MTR: variants seen among roughly 807,000 people sequenced by gnomAD.
MTR encodes 5-methyltetrahydrofolate-homocysteine methyltransferase.
A neutral mutation model predicts 154.8 loss-of-function variants in MTR; 84 were observed. The ratio of observed to expected loss-of-function variants is 0.54; its 90% confidence interval spans 0.45 to 0.65. The LOEUF is 0.65. MTR is among the 30% of genes least tolerant of loss of function. The probability of loss-of-function intolerance (pLI) is 0.00; values close to 1 mark genes in which losing one functional copy is unlikely to be tolerated. For synonymous variants in MTR, 554 were observed against 553.9 expected, an observed-to-expected ratio of 1.00 and a Z score of 0.00; for missense variants, 1,275 against 1,570.2, an observed-to-expected ratio of 0.81 and a Z score of 3.18.
chr1:236,796,993 A>C (rs1660427901), intron 1 of MTR, among the ~76,000 whole-genome samples: 1 of 152,020 alleles, frequency 6.6e-6, no homozygotes. Flanking sequence ...CTGAAGACTT[A>C]AAATACTGTG....
At position 236,873,805 on chromosome 1, in the gene MTR, A is replaced by T. The variant is rs371648406; in HGVS notation, c.2438A>T (p.Asp813Val). The T allele has an allele frequency of 6.2e-7, 1 of 1,613,998 alleles. No homozygotes were observed. Among genetic ancestry groups the T allele is most frequent in the African/African-American group, 1.3e-5 (1 of 74,920 alleles). ...VIDLGVMTPCDKILKAALDHK... is the reference protein window; with the variant it reads ...VIDLGVMTPCVKILKAALDHK... The stretch of plus-strand genomic sequence containing the variant: ...GATTTAGGAGTCATGACTCCATGTG[A>T]TAAGATACTGAAAGCTGCTCTTGAC... Residue 813 changes from aspartate (D) to valine (V), a missense_variant, in exon 23 of 33, where the codon GAT becomes GTT. Coordinates refer to ENST00000366577, the MANE Select transcript of MTR (RefSeq NM_000254.3).
intron 16 of MTR, among the ~76,000 whole-genome samples, chr1:236,852,243 CTT>C (rs1262322007): frequency 1.5e-5 from 2 of 134,802 alleles, no homozygotes; most frequent in South Asian, 5.2e-4. Context: ...AGGAATTCCT[CTT>C]TGTCTTTCTG....
Position 236,834,921 on chromosome 1 carries a change from G to A in MTR, c.1189-626G>A, listed in dbSNP as rs183801953. On this transcript the variant is annotated intron_variant, in intron 13 of 32. Coordinates refer to ENST00000366577, the MANE Select transcript of MTR (RefSeq NM_000254.3). ...AATAGTGCATTAAATAATTTGAAAA[G>A]CCTTCCAGTGTTATAAAAACCTGCT... Among the ~76,000 whole-genome samples, 10 of 152,228 alleles carry A rather than the reference G, an allele frequency of 6.6e-5. No individual in the cohort carries two copies. The East Asian group carries it at 1.9e-3, about 29-fold the overall frequency.
chr1:236,889,295 C>G lies in MTR; in HGVS notation c.2966C>G (p.Pro989Arg), dbSNP rs772400119. Residue 989 changes from proline (P) to arginine (R), a missense_variant, in exon 28 of 33, where the codon CCG becomes CGG. Pro to Arg is a moderately radical substitution (Grantham distance 103). Transcript: ENST00000366577. ...FDVWQLRGKY[P>R]NRGFPKIFND... ...GTCTGGCAGCTCCGGGGCAAGTACC[C>G]GAATCGAGGCTTTCCCAAGATATTT... The G allele has an allele frequency of 1.2e-5, 19 of 1,614,170 alleles. No individual in the cohort carries two copies. The highest frequency in any genetic ancestry group is 1.6e-5 in the Non-Finnish European group (19 of 1,180,038).
Position 236,832,049 on chromosome 1 carries a change from G to A in MTR, c.1159G>A (p.Ala387Thr). The A allele has an allele frequency of 6.2e-7, 1 of 1,614,054 alleles. No homozygotes were observed. The highest frequency in any genetic ancestry group is 1.7e-5 in the Admixed American group (1 of 60,016). Residue 387 changes from alanine to threonine, a missense_variant, in exon 13 of 33, where the codon GCT becomes ACT. Physicochemically the swap from Ala to Thr is moderately conservative, Grantham distance 58. Transcript: ENST00000366577. ...RCNVAGSRKF[A>T]KLIMAGNYEE... ...TAATGTTGCAGGATCAAGGAAGTTT[G>A]CTAAACTCATCATGGCAGGAAACTA...
intron 14 of MTR, 71 bp from the exon 15 acceptor site, chr1:236,838,343 T>C (rs1213696345): frequency 6.8e-7 from 1 of 1,470,024 alleles, no homozygotes; most frequent in Non-Finnish European, 9.5e-7. Context: ...AGGGAATACT[T>C]TGGAGCCTTT....
intron 1 of MTR, among the ~76,000 whole-genome samples, chr1:236,798,161 T>C (rs1484193987): frequency 6.6e-6 from 1 of 152,114 alleles, no homozygotes; most frequent in African/African-American, 2.4e-5. Context: ...ATGCAGAAAA[T>C]AAAAATGTGC....
At chr1:236,806,401 C>G (rs781642325) in intron 3 of MTR, among the ~76,000 whole-genome samples, 168 bp downstream of exon 3, 3 of 152,170 alleles carry the variant, frequency 2.0e-5, no homozygotes, top group Non-Finnish European at 4.4e-5. Flanking sequence ...CTTGTGAACA[C>G]AGTGGCCCAT....
At chr1:236,880,110 G>A (rs1225546468) in intron 24 of MTR, among the ~76,000 whole-genome samples, 1 of 152,154 alleles carries the variant, frequency 6.6e-6, no homozygotes, top group East Asian at 1.9e-4. Flanking sequence ...GCGGTGAGCC[G>A]AGATTGCACC....
intron 10 of MTR, among the ~76,000 whole-genome samples, chr1:236,825,878 C>T (rs1433937943): frequency 1.3e-5 from 2 of 152,194 alleles, no homozygotes; most frequent in Non-Finnish European, 2.9e-5. Context: ...GGGTCTCTTT[C>T]CCCTTATTCC....
intron 5 of MTR, chr1:236,811,730 G>A (rs765271100): frequency 1.1e-4 from 52 of 455,022 alleles, no homozygotes; most frequent in Non-Finnish European, 2.1e-4. Context: ...TCATTGGCAG[G>A]TTTTTGAAAA....
At chr1:236,835,407 A>G in intron 13 of MTR, 140 bp from the exon 14 acceptor site, 1 of 938,722 alleles carries the variant, frequency 1.1e-6, no homozygotes, top group Non-Finnish European at 1.7e-6. Context: ...ATGGGTGGAC[A>G]GCAGGCCCGG....
chr1:236,839,288 G>A (rs980881768), intron 15 of MTR, among the ~76,000 whole-genome samples: 12 of 152,260 alleles, frequency 7.9e-5, no homozygotes, highest in African/African-American at 2.9e-4. Context: ...ATAGCAGTGG[G>A]TGAATATTCC....
Position 236,891,293 on chromosome 1 carries a change from A to G in MTR, c.3168A>G (p.Ala1056=), listed in dbSNP as rs1357693887. The G allele has an allele frequency of 6.2e-7, 1 of 1,614,190 alleles. No individual in the cohort carries two copies. The highest frequency in any genetic ancestry group is 1.7e-5 in the Admixed American group (1 of 60,016). The part of the protein sequence containing the change: ...LYAEAAVPQA[A]EPIATFYGLR... Reference sequence around the variant, plus strand: ...CAGAGGCTGCTGTGCCCCAGGCTGCAGAGCCCATAGCCACCTTCTATGGGT... The same window carrying G: ...CAGAGGCTGCTGTGCCCCAGGCTGCGGAGCCCATAGCCACCTTCTATGGGT... Residue 1056 remains alanine, a synonymous_variant, in exon 29 of 33, where the codon GCA becomes GCG. Transcript: ENST00000366577.
chr1:236,821,777 C>T (rs975355544), intron 8 of MTR, among the ~76,000 whole-genome samples: 1 of 152,202 alleles, frequency 6.6e-6, no homozygotes, highest in African/African-American at 2.4e-5. Flanking sequence ...TTTTCAAATG[C>T]AGATGCCCAG....
chr1:236,881,263 A>G (rs1342924026), intron 25 of MTR, among the ~76,000 whole-genome samples: 1 of 152,200 alleles, frequency 6.6e-6, no homozygotes, highest in Non-Finnish European at 1.5e-5. Context: ...TCTGCTAGAT[A>G]TTTAAAACCC....
chr1:236,885,041 A>C, intron 25 of MTR, 80 bp from the exon 26 acceptor site: 1 of 872,426 alleles, frequency 1.1e-6, no homozygotes, highest in Admixed American at 1.7e-5. Context: ...AGCCTTCCTG[A>C]AGGAGGTGTT....
At chr1:236,830,084 A>G (rs1270188243) in intron 12 of MTR, among the ~76,000 whole-genome samples, 3 of 152,234 alleles carry the variant, frequency 2.0e-5, no homozygotes, top group Admixed American at 6.5e-5. Context: ...CAGCAAAAGT[A>G]GTGTCCACTT....
chr1:236,843,403 G>A (rs941798573), intron 15 of MTR, among the ~76,000 whole-genome samples: 1 of 152,164 alleles, frequency 6.6e-6, no homozygotes, highest in Non-Finnish European at 1.5e-5. Flanking sequence ...AAGATACAAG[G>A]TTGGAAAGGT....
Sources: allele counts gnomAD v4.1 joint callset (sites outside exome capture counted in the v4.1 genomes callset), GRCh38; gene constraint gnomAD v4.1.1; transcripts MANE v1.5; gene names NCBI Gene and HGNC (gene_info 2026-07-23, HGNC 2026-07-21).